TECRL: variants seen among roughly 807,000 people sequenced by gnomAD.
TECRL encodes the protein trans-2,3-enoyl-CoA reductase like, also known as trans-2,3-enoyl-CoA reductase-like.
Under a neutral mutation model 52.8 loss-of-function variants are expected in TECRL, and 63 were observed. The observed-to-expected ratio is 1.19, with a 90% CI of 0.97 to 1.47. The LOEUF (loss-of-function observed/expected upper bound fraction) is 1.47, where lower values mean the gene tolerates loss of function less well. Ranked by LOEUF, TECRL falls within the 40% of genes most tolerant of loss-of-function variation. The pLI is 0.00. For missense variants in TECRL, 482 were observed against 429.6 expected (o/e 1.12, Z -1.08); for synonymous variants, 164 against 141.9 (o/e 1.16, Z -1.10).
intron 1 of TECRL, among the ~76,000 whole-genome samples, chr4:64,395,059 C>T (rs548085172): frequency 3.3e-5 from 5 of 151,718 alleles, no homozygotes; most frequent in Admixed American, 6.6e-5. Flanking sequence ...ATTACAGGCA[C>T]CTCGTCCACA....
chr4:64,360,695 C>T lies in TECRL; in HGVS notation c.286+14477G>A, dbSNP rs1053982728. ...GGTTAAAAGGGGAAGGAACTGGGAA[C>T]TCTTCATGGGGTGGCCAAGCATTGG... On this transcript the variant is annotated intron_variant, in intron 2 of 11. Coordinates refer to ENST00000381210, the MANE Select transcript of TECRL (RefSeq NM_001010874.5). 3.3e-5 allele frequency among the ~76,000 whole-genome samples: 5 copies of T among 152,202 alleles called. No individual in the cohort carries two copies. In the East Asian group the frequency reaches 9.7e-4, roughly 30 times the overall value.
At chr4:64,337,611 C>G (rs1560509880) in intron 2 of TECRL, among the ~76,000 whole-genome samples, 1 of 152,116 alleles carries the variant, frequency 6.6e-6, no homozygotes, top group East Asian at 1.9e-4. Flanking sequence ...GCAAAAATCA[C>G]AAGCATTCTT....
intron 2 of TECRL, among the ~76,000 whole-genome samples, chr4:64,374,888 T>C (rs759792135): frequency 1.4e-4 from 22 of 152,150 alleles, no homozygotes; most frequent in Non-Finnish European, 3.2e-4. Flanking sequence ...GCATGTGTCT[T>C]TATAACATAT....
intron 7 of TECRL, chr4:64,304,935 G>T: frequency 3.1e-6 from 1 of 321,664 alleles, no homozygotes; most frequent in African/African-American, 2.1e-5. Flanking sequence ...TTTTTTTGGA[G>T]GTTTACAACC....
chr4:64,383,124 C>A (rs943136138), intron 1 of TECRL, among the ~76,000 whole-genome samples: 1 of 152,146 alleles, frequency 6.6e-6, no homozygotes, highest in South Asian at 2.1e-4. Flanking sequence ...ATGGTTTCTG[C>A]TGAGAACTTA....
chr4:64,406,777 A>G (rs1364377056), intron 1 of TECRL, among the ~76,000 whole-genome samples: 1 of 152,046 alleles, frequency 6.6e-6, no homozygotes, highest in African/African-American at 2.4e-5. Context: ...TCCAAAGTAC[A>G]TGGTATGTAA....
At chr4:64,337,830 T>C (rs1719223947) in intron 2 of TECRL, among the ~76,000 whole-genome samples, 2 of 152,124 alleles carry the variant, frequency 1.3e-5, no homozygotes, top group Admixed American at 1.3e-4. Flanking sequence ...ATAGGAAGAA[T>C]CAATATCGTG....
chr4:64,379,618 C>A (rs1243497198), intron 1 of TECRL, among the ~76,000 whole-genome samples: 1 of 152,098 alleles, frequency 6.6e-6, no homozygotes, highest in African/African-American at 2.4e-5. Context: ...CATTAACTAA[C>A]CCCTCTTCAT....
chr4:64,324,024 G>A (rs1718084541), intron 3 of TECRL, among the ~76,000 whole-genome samples: 1 of 151,934 alleles, frequency 6.6e-6, no homozygotes, highest in East Asian at 1.9e-4. Flanking sequence ...TATTCAGCAT[G>A]GAAAGAAAGG....
intron 9 of TECRL, among the ~76,000 whole-genome samples, chr4:64,284,462 G>A (rs927234246): frequency 2.1e-4 from 22 of 104,614 alleles, no homozygotes; most frequent in Non-Finnish European, 2.7e-4. Context: ...CAAAAATACA[G>A]GGAATATGGT....
chr4:64,375,183 A>C lies in TECRL; in HGVS notation c.275T>G (p.Phe92Cys), dbSNP rs755309877. 2.2e-6 allele frequency: 3 copies of C among 1,393,998 alleles called. No individual in the cohort carries two copies. Among genetic ancestry groups the C allele is most frequent in the Non-Finnish European group, 2.9e-6 (3 of 1,051,796 alleles). 86.4% of individuals were successfully genotyped at this position (1,393,998 alleles called of 1,614,324 possible). ...SSTIHDVKQK[F>C]HKACPKWYPS... ...TATATAAAACTTACATGCTTTGTGA[A>C]ACTTTTGCTTAACATCATGAATAGT... The change falls in exon 2 of 12, where the codon TTT (phenylalanine) becomes TGT (cysteine). Residue 92 changes from phenylalanine (F) to cysteine (C), a missense_variant. Physicochemically the swap from Phe to Cys is radical, Grantham distance 205. Transcript: ENST00000381210.
intron 2 of TECRL, among the ~76,000 whole-genome samples, chr4:64,365,928 G>A (rs894597380): frequency 1.3e-5 from 2 of 151,886 alleles, no homozygotes; most frequent in African/African-American, 4.8e-5. Context: ...AACAGCCAAA[G>A]GAATCCTAAG....
intron 2 of TECRL, among the ~76,000 whole-genome samples, chr4:64,341,391 A>G (rs1719557349): frequency 6.6e-6 from 1 of 152,048 alleles, no homozygotes; most frequent in Admixed American, 6.5e-5. Flanking sequence ...ACCTGAGATC[A>G]GGATTTGAGA....
chr4:64,406,549 T>G (rs1242306692), intron 1 of TECRL, among the ~76,000 whole-genome samples: 2 of 151,962 alleles, frequency 1.3e-5, no homozygotes, highest in Non-Finnish European at 2.9e-5. Flanking sequence ...ATAATAATAA[T>G]TTTGTCCATA....
intron 1 of TECRL, among the ~76,000 whole-genome samples, chr4:64,404,007 A>G (rs1050891499): frequency 6.6e-6 from 1 of 152,110 alleles, no homozygotes; most frequent in East Asian, 1.9e-4. Context: ...ATCATGTACA[A>G]GGTAAAGTAT....
Position 64,308,454 on chromosome 4 carries a change from A to C in TECRL, c.657+1372T>G, listed in dbSNP as rs528749110. Among the ~76,000 whole-genome samples the C allele has an allele frequency of 2.5e-4, 38 of 152,266 alleles. 1 individual carries two copies. The highest frequency in any genetic ancestry group is 9.1e-4 in the African/African-American group (38 of 41,566). On this transcript the variant is annotated intron_variant, in intron 6 of 11. Transcript: ENST00000381210. ...GAAGTATCTATGGCCAACCGCAGGC[A>C]TGTGCCGATGCAACAACCCCAGGGG...
intron 9 of TECRL, among the ~76,000 whole-genome samples, chr4:64,287,092 A>G (rs1175057905): frequency 3.3e-5 from 5 of 152,134 alleles, no homozygotes; most frequent in Non-Finnish European, 5.9e-5. Context: ...AATGAAATAT[A>G]GGCTTCACTC....
At chr4:64,305,349 A>G (rs1181678683) in intron 6 of TECRL, 111 bp from the exon 7 acceptor site, 14 of 843,732 alleles carry the variant, frequency 1.7e-5, no homozygotes, top group East Asian at 1.6e-4. Flanking sequence ...CACCACATAC[A>G]TTTATATTAG....
At position 64,322,691 on chromosome 4, in the gene TECRL, T is replaced by C; in HGVS notation, c.433A>G (p.Thr145Ala). 3 of 1,589,664 alleles carry C rather than the reference T, an allele frequency of 1.9e-6. No individual in the cohort carries two copies. Among genetic ancestry groups the C allele is most frequent in the African/African-American group, 1.4e-5 (1 of 74,010 alleles). ...TTACATTTCAAATTAACACTTACTG[T>C]GGTCCAACTGACTTGTTGACCTAGG... is the stretch of plus-strand genomic sequence containing the variant. The part of the protein sequence containing the change: ...TDLGQQVSWT[T>A]VFLAEYTGPL... The change falls in exon 4 of 12, where the codon ACA becomes GCA. Residue 145 changes from threonine (T) to alanine (A), a missense_variant and splice_region_variant. Physicochemically the swap from Thr to Ala is moderately conservative, Grantham distance 58. Transcript: ENST00000381210.
Sources: gnomAD v4.1 joint callset for allele counts (sites outside exome capture counted in the v4.1 genomes callset) on GRCh38, gnomAD v4.1.1 for gene constraint, MANE v1.5 for transcripts, NCBI Gene and HGNC (gene_info 2026-07-23, HGNC 2026-07-21) for gene names.